The following PLAG1 variants were observed in gnomAD, a reference collection of about 807,000 sequenced individuals.
PLAG1 encodes the protein PLAG1 zinc finger.
In PLAG1, 7 loss-of-function variants were observed where a neutral mutation model predicts 35.5. The observed-to-expected ratio is 0.20, with a 90% CI of 0.11 to 0.37. PLAG1 has a LOEUF of 0.37. PLAG1 is among the 10% of genes least tolerant of loss of function. The probability of loss-of-function intolerance (pLI) is 1.00; values close to 1 mark genes in which losing one functional copy is unlikely to be tolerated. For synonymous variants in PLAG1, 229 were observed against 225.4 expected, an observed-to-expected ratio of 1.02 and a Z score of -0.14; for missense variants, 454 against 602.8, an observed-to-expected ratio of 0.75 and a Z score of 2.58.
Position 56,162,323 on chromosome 8 carries a change from C to T in PLAG1, c.*3920G>A, listed in dbSNP as rs142282793. 7.7e-4 allele frequency: 175 copies of T among 227,002 alleles called. No homozygotes were observed. In the East Asian group the frequency reaches 0.01, roughly 13 times the overall value. 14.1% of individuals were successfully genotyped at this position (227,002 alleles called of 1,614,324 possible). On this transcript the variant is annotated 3_prime_UTR_variant, in exon 5 of 5. Transcript: ENST00000316981. ...GGGTGAACTGGTATTTTTTAACTTA[C>T]GTACTGGGAAGACAGTGTGCTTTGA...
intron 1 of PLAG1, among the ~76,000 whole-genome samples, chr8:56,198,296 C>T (rs947779035): frequency 6.6e-5 from 10 of 152,166 alleles, no homozygotes; most frequent in East Asian, 3.9e-4. Flanking sequence ...GCTCCAGGGC[C>T]GGTGAGAAGG....
intron 1 of PLAG1, among the ~76,000 whole-genome samples, chr8:56,192,084 AATC>A (rs999328604): frequency 6.6e-6 from 1 of 152,172 alleles, no homozygotes; most frequent in African/African-American, 2.4e-5. Flanking sequence ...AAACAAAAGA[AATC>A]AACAAGTGTA....
chr8:56,178,438 A>C (rs1370970827), intron 2 of PLAG1, among the ~76,000 whole-genome samples: 2 of 152,218 alleles, frequency 1.3e-5, no homozygotes, highest in East Asian at 3.8e-4. Flanking sequence ...AGATAGCTAA[A>C]ATTTTTATAG....
intron 1 of PLAG1, among the ~76,000 whole-genome samples, chr8:56,210,183 T>C (rs1384149777): frequency 3.3e-5 from 5 of 152,228 alleles, no homozygotes; most frequent in Non-Finnish European, 7.3e-5. Flanking sequence ...CCTTGGTCCC[T>C]GCAAAGTCAA....
Position 56,196,945 on chromosome 8 carries a change from AGTGTGC to A in PLAG1, c.-322+14170_-322+14175del, listed in dbSNP as rs1479220338. 1.9e-3 allele frequency among the ~76,000 whole-genome samples: 156 copies of A among 84,176 alleles called. 1 individual carries two copies. Among genetic ancestry groups the A allele is most frequent in the African/African-American group, 4.9e-3 (119 of 24,202 alleles). 55.2% of individuals were successfully genotyped at this position (84,176 alleles called of 152,430 possible). On this transcript the variant is annotated intron_variant, in intron 1 of 4. Transcript: ENST00000316981. The stretch of plus-strand genomic sequence containing the variant: ...GGGTGCAGGCACCCTCTCCCTCCCT[AGTGTGC>A]GTGTGTGTGTGTGTGTGTGTGTGTG...
intron 1 of PLAG1, among the ~76,000 whole-genome samples, chr8:56,194,881 G>A (rs1181555985): frequency 6.6e-6 from 1 of 152,116 alleles, no homozygotes; most frequent in Non-Finnish European, 1.5e-5. Context: ...AAGTCAGTGG[G>A]ACCAAACACA....
intron 1 of PLAG1, among the ~76,000 whole-genome samples, chr8:56,210,153 AAAAT>A (rs1450481863): frequency 3.3e-5 from 5 of 152,240 alleles, no homozygotes; most frequent in Non-Finnish European, 1.5e-5. Context: ...AAAGTTTTAA[AAAAT>A]AAATAAATAT....
At chr8:56,188,263 TGG>T (rs975973233) in intron 1 of PLAG1, among the ~76,000 whole-genome samples, 4 of 152,132 alleles carry the variant, frequency 2.6e-5, no homozygotes, top group African/African-American at 9.7e-5. Context: ...CAGAGCCATT[TGG>T]TATGCGGGGA....
intron 1 of PLAG1, among the ~76,000 whole-genome samples, chr8:56,191,793 T>C (rs1469704446): frequency 8.0e-6 from 1 of 125,690 alleles, no homozygotes; most frequent in Non-Finnish European, 1.7e-5. Context: ...GCAACATCAA[T>C]AATCTAAAAC....
intron 1 of PLAG1, among the ~76,000 whole-genome samples, chr8:56,207,868 T>A (rs1310749214): frequency 6.6e-6 from 1 of 152,124 alleles, no homozygotes; most frequent in Non-Finnish European, 1.5e-5. Context: ...AGATTTTAGA[T>A]TGGTGCACTC....
At chr8:56,205,036 TA>T (rs1812659958) in intron 1 of PLAG1, among the ~76,000 whole-genome samples, 1 of 151,940 alleles carries the variant, frequency 6.6e-6, no homozygotes, top group African/African-American at 2.4e-5. Context: ...AGCATAGACC[TA>T]AAAACATACC....
intron 1 of PLAG1, among the ~76,000 whole-genome samples, chr8:56,196,187 C>A (rs1812360066): frequency 6.6e-6 from 1 of 152,112 alleles, no homozygotes. Flanking sequence ...TAACTTCACA[C>A]CCGCAGGAAA....
chr8:56,202,456 C>G, intron 1 of PLAG1, among the ~76,000 whole-genome samples: 1 of 152,228 alleles, frequency 6.6e-6, no homozygotes, highest in Non-Finnish European at 1.5e-5. Context: ...TGGAAGCACA[C>G]AAGTGTGCCT....
chr8:56,207,652 T>C (rs1391121629), intron 1 of PLAG1, among the ~76,000 whole-genome samples: 2 of 152,080 alleles, frequency 1.3e-5, no homozygotes, highest in East Asian at 1.9e-4. Context: ...ACTATCAATA[T>C]ATGAGGTTTC....
rs899369678 is a variant in PLAG1 at position 56,165,279 on chromosome 8, T to C, written c.*964A>G. The C allele has an allele frequency of 9.4e-6, 2 of 213,780 alleles. No homozygotes were observed. Among genetic ancestry groups the C allele is most frequent in the Admixed American group, 1.2e-4 (2 of 17,102 alleles). 13.2% of individuals were successfully genotyped at this position (213,780 alleles called of 1,614,324 possible). A position where few individuals can be genotyped will look rare whatever the true frequency, so the allele number is the denominator to read the frequency against. Reference sequence around the variant, plus strand: ...CTGTCACCCACAGAGGCTGAGTCAATCCACTGTGGGATAAACACACCTCAT... The same window carrying C: ...CTGTCACCCACAGAGGCTGAGTCAACCCACTGTGGGATAAACACACCTCAT... On this transcript the variant is annotated 3_prime_UTR_variant, in exon 5 of 5. Coordinates refer to ENST00000316981, the MANE Select transcript of PLAG1 (RefSeq NM_002655.3).
chr8:56,199,159 A>G (rs1812472667), intron 1 of PLAG1, among the ~76,000 whole-genome samples: 1 of 152,164 alleles, frequency 6.6e-6, no homozygotes, highest in Non-Finnish European at 1.5e-5. Flanking sequence ...GGGGAATGCC[A>G]AAATGCTGGT....
intron 2 of PLAG1, among the ~76,000 whole-genome samples, chr8:56,173,273 C>T (rs1811584388): frequency 6.6e-6 from 1 of 151,938 alleles, no homozygotes; most frequent in Non-Finnish European, 1.5e-5. Context: ...TTTATTTTAT[C>T]CCAAAACATA....
chr8:56,171,548 T>C lies in PLAG1; in HGVS notation c.-216-359A>G, dbSNP rs190096008. Reference sequence around the variant, plus strand: ...ATCAAAATTTTATTAAGTTTATTAATATTATGGAAGTGACAATTTTAGGCC... The same window carrying C: ...ATCAAAATTTTATTAAGTTTATTAACATTATGGAAGTGACAATTTTAGGCC... On this transcript the variant is annotated intron_variant, in intron 2 of 4. Transcript: ENST00000316981. The C allele has an allele frequency of 1.3e-4, 20 of 152,300 alleles. No homozygotes were observed. In the East Asian group the frequency reaches 3.9e-3, roughly 29 times the overall value. The allele number at this position is 152,300 out of a possible 1,614,324, so 9.4% of individuals were successfully genotyped here.
At chr8:56,185,931 C>T (rs1025411067) in intron 1 of PLAG1, among the ~76,000 whole-genome samples, 1 of 152,162 alleles carries the variant, frequency 6.6e-6, no homozygotes, top group Non-Finnish European at 1.5e-5. Context: ...GATAGGCTTG[C>T]CTTTGATTAA....
Sources: allele counts gnomAD v4.1 joint callset (sites outside exome capture counted in the v4.1 genomes callset), GRCh38; gene constraint gnomAD v4.1.1; transcripts MANE v1.5; gene names NCBI Gene and HGNC (gene_info 2026-07-23, HGNC 2026-07-21).